GPATCH8: variants seen among roughly 807,000 people sequenced by gnomAD.
GPATCH8 encodes G patch domain-containing protein 8.
A neutral mutation model predicts 118.3 loss-of-function variants in GPATCH8; 18 were observed. The ratio of observed to expected loss-of-function variants is 0.15; its 90% CI spans 0.11 to 0.23. The LOEUF is 0.23. GPATCH8 is among the 10% of genes least tolerant of loss of function. The pLI, the probability that GPATCH8 is intolerant of heterozygous loss-of-function variation, is 1.00. For missense variants in GPATCH8, 1,631 were observed against 1,873.8 expected (o/e 0.87, Z 2.39); for synonymous variants, 659 against 684.7 (o/e 0.96, Z 0.59).
chr17:44,402,276 C>T (rs931865369), intron 7 of GPATCH8, among the ~76,000 whole-genome samples: 6 of 139,890 alleles, frequency 4.3e-5, no homozygotes, highest in Non-Finnish European at 9.1e-5. Context: ...GAGCTGAGAT[C>T]GCAGCACCAC....
chr17:44,491,620 G>A (rs1568068704), intron 1 of GPATCH8, among the ~76,000 whole-genome samples: 2 of 152,118 alleles, frequency 1.3e-5, no homozygotes, highest in Non-Finnish European at 2.9e-5. Context: ...TTGGAAGGCA[G>A]GAAGATCACT....
intron 1 of GPATCH8, among the ~76,000 whole-genome samples, chr17:44,488,213 G>A (rs963523749): frequency 3.9e-5 from 5 of 129,188 alleles, no homozygotes; most frequent in African/African-American, 1.2e-4. Flanking sequence ...ATGAGCCACC[G>A]TGCCTGACCC....
intron 1 of GPATCH8, chr17:44,486,794 A>G (rs1968816924): frequency 1.3e-5 from 2 of 152,232 alleles, no homozygotes; most frequent in Non-Finnish European, 2.9e-5. Context: ...TAAAGTTTTA[A>G]ATTACACATG....
At chr17:44,460,904 G>T (rs1158819689) in intron 3 of GPATCH8, among the ~76,000 whole-genome samples, 1 of 152,164 alleles carries the variant, frequency 6.6e-6, no homozygotes, top group African/African-American at 2.4e-5. Flanking sequence ...GGGTACTATA[G>T]AAAGAGGTAT....
Position 44,398,388 on chromosome 17 carries a change from G to A in GPATCH8, c.3689C>T (p.Ser1230Phe). The change falls in exon 8 of 8, where the codon TCT (serine) becomes TTT (phenylalanine). Residue 1230 changes from serine (S) to phenylalanine (F), a missense_variant. Physicochemically the swap from Ser to Phe is radical, Grantham distance 155 (BLOSUM62 -2). This residue lies in a region of GPATCH8 where 922 missense variants were observed against 879.7 expected (regional missense o/e 1.05). Transcript: ENST00000591680. ...PVAPLGTPAH[S>F]DCYPGDPTIS... ...GGTTGGGTCCCCAGGGTAGCAGTCA[G>A]AATGTGCTGGGGTGCCTAGTGGAGC... The A allele has an allele frequency of 6.2e-7, 1 of 1,614,072 alleles. No homozygotes were observed. Among genetic ancestry groups the A allele is most frequent in the Non-Finnish European group, 8.5e-7 (1 of 1,179,952 alleles).
At chr17:44,441,471 C>T (rs1253130262) in intron 3 of GPATCH8, among the ~76,000 whole-genome samples, 2 of 152,190 alleles carry the variant, frequency 1.3e-5, no homozygotes, top group African/African-American at 4.8e-5. Context: ...TGCCTGTAAT[C>T]CCAGCACTGT....
chr17:44,399,028 C>A lies in GPATCH8; in HGVS notation c.3049G>T (p.Glu1017Ter). 6.2e-7 allele frequency: 1 copy of A among 1,613,950 alleles called. No individual in the cohort carries two copies. Among genetic ancestry groups the A allele is most frequent in the Non-Finnish European group, 8.5e-7 (1 of 1,179,844 alleles). The change falls in exon 8 of 8, where the codon GAG (glutamate) becomes TAG (stop). Residue 1017 changes from glutamate to a stop codon, truncating the protein, a stop_gained. Coordinates refer to ENST00000591680, the MANE Select transcript of GPATCH8 (RefSeq NM_001002909.4). LOFTEE classifies it high-confidence loss of function. Reference protein sequence around the residue: ...KRSWGHESPEERHSGRRDFIR... With the variant: ...KRSWGHESPE ...AAGTCCCGACGCCCAGAATGCCTCT[C>A]CTCAGGGCTCTCGTGACCCCATGAT...
At chr17:44,420,435 C>T (rs566812101) in intron 6 of GPATCH8, among the ~76,000 whole-genome samples, 1 of 152,244 alleles carries the variant, frequency 6.6e-6, no homozygotes, top group Admixed American at 6.5e-5. Flanking sequence ...GCCATTTTGC[C>T]TCTTTGTTTC....
chr17:44,421,099 G>C (rs963543514), intron 6 of GPATCH8, among the ~76,000 whole-genome samples: 23 of 151,706 alleles, frequency 1.5e-4, no homozygotes, highest in Non-Finnish European at 2.6e-4. Flanking sequence ...TGATCTGCCC[G>C]CCTTGGCCTT....
intron 2 of GPATCH8, among the ~76,000 whole-genome samples, chr17:44,472,152 T>C (rs931222030): frequency 5.9e-5 from 9 of 152,158 alleles, no homozygotes; most frequent in Non-Finnish European, 1.3e-4. Flanking sequence ...GAAGTGTAAT[T>C]ACTAATATAC....
At chr17:44,450,907 GTTAA>G (rs1376306647) in intron 3 of GPATCH8, among the ~76,000 whole-genome samples, 2 of 152,058 alleles carry the variant, frequency 1.3e-5, no homozygotes, top group Admixed American at 6.6e-5. Flanking sequence ...CTTTTCACTT[GTTAA>G]TTATTATAAA....
chr17:44,480,989 C>T (rs943349003), intron 1 of GPATCH8, among the ~76,000 whole-genome samples: 1 of 152,206 alleles, frequency 6.6e-6, no homozygotes, highest in African/African-American at 2.4e-5. Flanking sequence ...TCACTCCAGC[C>T]TCAACCCTCC....
At chr17:44,475,030 C>T (rs966407183) in intron 1 of GPATCH8, 127 bp from the exon 2 acceptor site, 10 of 658,232 alleles carry the variant, frequency 1.5e-5, no homozygotes, top group African/African-American at 1.1e-4. Context: ...ACACTGCAAT[C>T]GTTCATTTTC....
intron 3 of GPATCH8, among the ~76,000 whole-genome samples, chr17:44,444,424 T>C (rs2050801724): frequency 6.6e-6 from 1 of 151,486 alleles, no homozygotes; most frequent in East Asian, 1.9e-4. Flanking sequence ...GGTAAAATAG[T>C]CTAAAACATG....
chr17:44,493,585 C>T (rs1343236058), intron 1 of GPATCH8, among the ~76,000 whole-genome samples: 1 of 152,060 alleles, frequency 6.6e-6, no homozygotes, highest in African/African-American at 2.4e-5. Context: ...CCACAATAAA[C>T]AGAATACTAT....
At chr17:44,477,985 T>C (rs1967912496) in intron 1 of GPATCH8, among the ~76,000 whole-genome samples, 1 of 117,114 alleles carries the variant, frequency 8.5e-6, no homozygotes, top group Non-Finnish European at 1.9e-5. Context: ...AATTTTTGTA[T>C]TTTTAGTAGA....
intron 5 of GPATCH8, among the ~76,000 whole-genome samples, chr17:44,424,971 C>T (rs2050038858): frequency 6.6e-6 from 1 of 152,164 alleles, no homozygotes; most frequent in Non-Finnish European, 1.5e-5. Context: ...CTGCTGGTCT[C>T]AGCGAGATTG....
chr17:44,475,719 C>T (rs1290970483), intron 1 of GPATCH8, among the ~76,000 whole-genome samples: 1 of 149,280 alleles, frequency 6.7e-6, no homozygotes, highest in African/African-American at 2.5e-5. Flanking sequence ...AACAAACAAA[C>T]AAAAACTTTA....
intron 3 of GPATCH8, among the ~76,000 whole-genome samples, chr17:44,454,912 C>T (rs1321112708): frequency 6.6e-6 from 1 of 152,080 alleles, no homozygotes; most frequent in African/African-American, 2.4e-5. Flanking sequence ...TTATGGTTGC[C>T]TTTGGCAACT....
Sources: allele counts gnomAD v4.1 joint callset (sites outside exome capture counted in the v4.1 genomes callset), GRCh38; gene constraint gnomAD v4.1.1; regional missense constraint gnomAD v4.1.1; transcripts MANE v1.5; gene names NCBI Gene and HGNC (gene_info 2026-07-23, HGNC 2026-07-21).